Variants in GYS2 observed in about 807,000 individuals in gnomAD.
The protein encoded by GYS2 is glycogen synthase 2.
In GYS2, 80 loss-of-function variants were observed where a neutral mutation model predicts 85.6. That is an observed-to-expected ratio of 0.93 (90% confidence interval 0.78 to 1.13). The LOEUF is 1.13. GYS2 is among the 50% of genes most tolerant of loss of function. The pLI is 0.00. For synonymous variants in GYS2, 328 were observed against 300.7 expected (o/e 1.09, Z -0.94); for missense variants, 881 against 854.9 (o/e 1.03, Z -0.38).
downstream of GYS2, among the ~76,000 whole-genome samples, chr12:21,533,461 T>C (rs1943883473): frequency 6.6e-6 from 1 of 152,234 alleles, no homozygotes; most frequent in Non-Finnish European, 1.5e-5. Flanking sequence ...TTCATTCTGT[T>C]CGGTCGCTTC....
intron 3 of GYS2, among the ~76,000 whole-genome samples, chr12:21,574,620 G>C (rs963594261): frequency 4.0e-5 from 6 of 151,648 alleles, no homozygotes; most frequent in African/African-American, 1.5e-4. Flanking sequence ...TAAATAAATG[G>C]AATAAATGCA....
At chr12:21,567,107 G>A (rs1334717881) in intron 5 of GYS2, among the ~76,000 whole-genome samples, 1 of 152,116 alleles carries the variant, frequency 6.6e-6, no homozygotes, top group African/African-American at 2.4e-5. Context: ...AACATTAGAT[G>A]ACCCTGAATT....
At position 21,560,373 on chromosome 12, in the gene GYS2, G is replaced by A. The variant is rs1407975302; in HGVS notation, c.1169+13C>T. ...ATTTATTGCTAGAGAACATTCACAG[G>A]TTGTGAGATTACCACAGCTGTTTTC... On this transcript the variant is annotated intron_variant, in intron 8 of 15. Transcript: ENST00000261195. 4.5e-6 allele frequency: 6 copies of A among 1,327,200 alleles called. No individual in the cohort carries two copies. The highest frequency in any genetic ancestry group is 2.3e-5 in the South Asian group (2 of 85,168). 82.2% of individuals were successfully genotyped at this position (1,327,200 alleles called of 1,614,324 possible).
intron 1 of GYS2, among the ~76,000 whole-genome samples, chr12:21,587,452 T>C (rs1944586903): frequency 1.3e-5 from 2 of 152,174 alleles, no homozygotes; most frequent in South Asian, 4.1e-4. Context: ...CTCATGCTCT[T>C]CTCGTGATAG....
At chr12:21,574,841 A>G (rs1944427292) in intron 3 of GYS2, among the ~76,000 whole-genome samples, 1 of 151,968 alleles carries the variant, frequency 6.6e-6, no homozygotes, top group East Asian at 1.9e-4. Flanking sequence ...AATGCCTTGT[A>G]TATTTGTAGT....
intron 7 of GYS2, among the ~76,000 whole-genome samples, chr12:21,561,530 G>A (rs1275256056): frequency 6.6e-6 from 1 of 152,064 alleles, no homozygotes; most frequent in African/African-American, 2.4e-5. Flanking sequence ...TGTGGAAAGA[G>A]AATTCCTTCT....
At position 21,536,664 on chromosome 12, in the gene GYS2, C is replaced by A. The variant is rs17849015; in HGVS notation, c.*290G>T. 289 of 427,396 alleles carry A rather than the reference C, an allele frequency of 6.8e-4. 2 individuals are homozygous for A. In the East Asian group the frequency reaches 0.011, roughly 16 times the overall value. The allele number at this position is 427,396 out of a possible 1,614,324, so 26.5% of individuals were successfully genotyped here. On this transcript the variant is annotated 3_prime_UTR_variant, in exon 16 of 16. Coordinates refer to ENST00000261195, the MANE Select transcript of GYS2 (RefSeq NM_021957.4). Reference sequence around the variant, plus strand: ...AAAAATAAACAGAGTAAGAGAAAATCCTTACCACTTAAATTCACCATTTTA... The same window carrying A: ...AAAAATAAACAGAGTAAGAGAAAATACTTACCACTTAAATTCACCATTTTA...
intron 11 of GYS2, among the ~76,000 whole-genome samples, chr12:21,556,977 A>G (rs1201218472): frequency 6.6e-6 from 1 of 152,238 alleles, no homozygotes; most frequent in East Asian, 1.9e-4. Context: ...CAACAGAAGG[A>G]AAAAAGATAA....
chr12:21,542,455 G>T (rs1049589339), intron 13 of GYS2, 41 bp downstream of exon 13: 2 of 1,233,570 alleles, frequency 1.6e-6, no homozygotes, highest in South Asian at 1.2e-5. Context: ...TTGGTTAGAG[G>T]TCATGTCTCC....
chr12:21,558,564 T>C (rs981555716), intron 10 of GYS2, among the ~76,000 whole-genome samples: 2 of 152,176 alleles, frequency 1.3e-5, no homozygotes, highest in Non-Finnish European at 2.9e-5. Flanking sequence ...CCTGGACTTC[T>C]TGATTGCTTC....
chr12:21,579,941 C>A (rs141041022), intron 2 of GYS2, among the ~76,000 whole-genome samples: 59 of 152,310 alleles, frequency 3.9e-4, no homozygotes, highest in African/African-American at 1.4e-3. Context: ...ACATCATTAG[C>A]TTTGCTTCTA....
intron 1 of GYS2, among the ~76,000 whole-genome samples, chr12:21,584,506 T>A (rs1010138432): frequency 6.6e-6 from 1 of 152,194 alleles, no homozygotes; most frequent in Non-Finnish European, 1.5e-5. Context: ...ATGAACAAAG[T>A]GGCCACAGTT....
At chr12:21,547,732 G>A (rs890798991) in intron 11 of GYS2, among the ~76,000 whole-genome samples, 1 of 152,150 alleles carries the variant, frequency 6.6e-6, no homozygotes, top group African/African-American at 2.4e-5. Flanking sequence ...ATAACACCAA[G>A]AGTGAATCCT....
Position 21,540,924 on chromosome 12 carries a change from G to A in GYS2, c.1646-351C>T, listed in dbSNP as rs79189745. Among the ~76,000 whole-genome samples, 146 of 152,120 alleles carry A rather than the reference G, an allele frequency of 9.6e-4. 2 individuals carry two copies. In the East Asian group the frequency reaches 0.026, roughly 27 times the overall value. On this transcript the variant is annotated intron_variant, in intron 13 of 15. Transcript: ENST00000261195. The stretch of plus-strand genomic sequence containing the variant: ...TCCCCAGTGTTCCCACTGTTCAGCC[G>A]AGGCTGAAAACCCCAGATCTAGCCT...
chr12:21,591,714 A>G (rs746634226), intron 1 of GYS2, among the ~76,000 whole-genome samples: 4 of 152,134 alleles, frequency 2.6e-5, no homozygotes, highest in Non-Finnish European at 5.9e-5. Flanking sequence ...AAAGCCAAAG[A>G]GTAAGAACTC....
At chr12:21,555,813 TC>T (rs2136867949) in intron 11 of GYS2, among the ~76,000 whole-genome samples, 1 of 152,302 alleles carries the variant, frequency 6.6e-6, no homozygotes, top group Non-Finnish European at 1.5e-5. Context: ...AAAGCCTTCT[TC>T]CCTGGCAATA....
chr12:21,560,710 C>A (rs1944242898), intron 7 of GYS2, among the ~76,000 whole-genome samples: 1 of 152,016 alleles, frequency 6.6e-6, no homozygotes, highest in Non-Finnish European at 1.5e-5. Flanking sequence ...CTGTACTTGC[C>A]AATAAACAAA....
intron 4 of GYS2, among the ~76,000 whole-genome samples, chr12:21,573,140 A>G (rs1944405139): frequency 6.6e-6 from 1 of 152,220 alleles, no homozygotes; most frequent in East Asian, 1.9e-4. Flanking sequence ...TACAGATGTT[A>G]AAGTTTTTCA....
rs961566168 is a variant in GYS2, at chr12:21,579,354, T to C, written c.303+988A>G. Among the ~76,000 whole-genome samples, 619 of 146,526 alleles carry C rather than the reference T, an allele frequency of 4.2e-3. 3 individuals carry two copies. The highest frequency in any genetic ancestry group is 0.011 in the African/African-American group (432 of 40,034). On this transcript the variant is annotated intron_variant, in intron 2 of 15. Transcript: ENST00000261195. ...AATTTATTTTCTTACTTCTTCTTTTTTTTTTTTTTTTTTTTTGAGATGAAG... is the reference window on the plus strand; with the variant it reads ...AATTTATTTTCTTACTTCTTCTTTTCTTTTTTTTTTTTTTTTGAGATGAAG...
Sources: allele counts gnomAD v4.1 joint callset (sites outside exome capture counted in the v4.1 genomes callset), GRCh38; gene constraint gnomAD v4.1.1; transcripts MANE v1.5; gene names NCBI Gene and HGNC (gene_info 2026-07-23, HGNC 2026-07-21).